The following UNC13C variants were observed in gnomAD, a reference collection of about 807,000 sequenced individuals.
The protein encoded by UNC13C is unc-13 homolog C.
Under a neutral mutation model 245.4 loss-of-function variants are expected in UNC13C, and 174 were observed. The observed-to-expected ratio is 0.71, with a 90% CI of 0.63 to 0.80. The LOEUF (loss-of-function observed/expected upper bound fraction) is 0.80, where lower values mean the gene tolerates loss of function less well. Among genes scored for constraint, UNC13C ranks in the 30% least tolerant of loss-of-function variants. UNC13C has a pLI of 0.00. For missense variants in UNC13C, 2,829 were observed against 2,602.9 expected (o/e 1.09, Z -1.89); for synonymous variants, 992 against 895.1 (o/e 1.11, Z -1.93).
At chr15:54,433,611 A>G (rs558829655) in intron 19 of UNC13C, among the ~76,000 whole-genome samples, 2 of 152,150 alleles carry the variant, frequency 1.3e-5, no homozygotes, top group South Asian at 4.1e-4. Flanking sequence ...TTTATGACAA[A>G]CTTATAGGCA....
At chr15:54,096,050 C>T (rs927308369) in intron 2 of UNC13C, among the ~76,000 whole-genome samples, 1 of 152,166 alleles carries the variant, frequency 6.6e-6, no homozygotes, top group African/African-American at 2.4e-5. Context: ...GTGAAGGCAA[C>T]AATGGGGGCA....
At chr15:54,319,324 G>T (rs1349855550) in intron 13 of UNC13C, among the ~76,000 whole-genome samples, 1 of 149,316 alleles carries the variant, frequency 6.7e-6, no homozygotes, top group Non-Finnish European at 1.5e-5. Context: ...TGATAGCATA[G>T]CTCTAAGAAT....
At position 54,236,414 on chromosome 15, in the gene UNC13C, C is replaced by T; in HGVS notation, c.3151-16C>T. On this transcript the variant is annotated splice_polypyrimidine_tract_variant and intron_variant, in intron 5 of 32. Coordinates refer to ENST00000260323, the MANE Select transcript of UNC13C (RefSeq NM_001080534.3). Reference sequence around the variant, plus strand: ...ATTATTTACATTTTGTTTCCTCTCACTTCTGGAATCTTCAGGCCATGGTAA... The same window carrying T: ...ATTATTTACATTTTGTTTCCTCTCATTTCTGGAATCTTCAGGCCATGGTAA... 1 of 1,589,472 alleles carries T rather than the reference C, an allele frequency of 6.3e-7. No homozygotes were observed. The highest frequency in any genetic ancestry group is 8.5e-7 in the Non-Finnish European group (1 of 1,172,888).
intron 1 of UNC13C, among the ~76,000 whole-genome samples, chr15:53,988,394 C>A (rs1894237964): frequency 6.6e-6 from 1 of 151,688 alleles, no homozygotes; most frequent in Non-Finnish European, 1.5e-5. Context: ...GCTTATGGGA[C>A]ATAAAAAAAT....
At chr15:54,222,707 C>T (rs1349072140) in intron 4 of UNC13C, among the ~76,000 whole-genome samples, 3 of 152,040 alleles carry the variant, frequency 2.0e-5, no homozygotes, top group Non-Finnish European at 4.4e-5. Context: ...ACAATCCCAC[C>T]ATCAGTGAAC....
At chr15:54,055,400 C>A (rs1489359592) in intron 2 of UNC13C, among the ~76,000 whole-genome samples, 1 of 152,028 alleles carries the variant, frequency 6.6e-6, no homozygotes, top group African/African-American at 2.4e-5. Flanking sequence ...TGAGTGCTTA[C>A]CTTGAAAAAA....
At chr15:54,256,994 A>G (rs1438820705) in intron 8 of UNC13C, among the ~76,000 whole-genome samples, 3 of 152,234 alleles carry the variant, frequency 2.0e-5, no homozygotes, top group Non-Finnish European at 4.4e-5. Context: ...AGAACAATGT[A>G]GCCTAGCTAT....
At position 54,333,213 on chromosome 15, in the gene UNC13C, A is replaced by G. The variant is rs76830588; in HGVS notation, c.4495-554A>G. ...TATAACTTTTCATTCCTTCAAAATT[A>G]TAAACATCTGTATTTTTAAATGATG... On this transcript the variant is annotated intron_variant, in intron 15 of 32. Transcript: ENST00000260323. 4.1e-3 allele frequency among the ~76,000 whole-genome samples: 617 copies of G among 152,204 alleles called. 26 individuals carry two copies. The East Asian group carries it at 0.087, about 21-fold the overall frequency.
chr15:54,532,397 T>C (rs1273625364), intron 25 of UNC13C, among the ~76,000 whole-genome samples: 1 of 152,192 alleles, frequency 6.6e-6, no homozygotes, highest in Non-Finnish European at 1.5e-5. Flanking sequence ...ATTGCAACAC[T>C]ATTCACAATA....
At chr15:54,487,407 T>A (rs187474894) in intron 19 of UNC13C, among the ~76,000 whole-genome samples, 3 of 152,168 alleles carry the variant, frequency 2.0e-5, no homozygotes, top group Admixed American at 6.5e-5. Context: ...CTTCTATATC[T>A]TTTTTCTTAC....
intron 10 of UNC13C, among the ~76,000 whole-genome samples, chr15:54,293,036 T>C (rs1273155936): frequency 6.6e-6 from 1 of 151,390 alleles, no homozygotes; most frequent in Non-Finnish European, 1.5e-5. Context: ...TGTATTTTAA[T>C]CCAAGTTCAA....
At chr15:54,338,321 C>A in intron 16 of UNC13C, 40 bp from the exon 17 acceptor site, 1 of 1,594,810 alleles carries the variant, frequency 6.3e-7, no homozygotes, top group South Asian at 1.1e-5. Flanking sequence ...TACAATGTGT[C>A]ACTGTTGCAT....
chr15:54,598,218 G>A (rs967523502), intron 30 of UNC13C, among the ~76,000 whole-genome samples: 3 of 152,166 alleles, frequency 2.0e-5, no homozygotes, highest in East Asian at 1.9e-4. Flanking sequence ...TCAGCCTCCC[G>A]AGTAGCTGGG....
intron 2 of UNC13C, among the ~76,000 whole-genome samples, chr15:54,065,384 G>A (rs144763617): frequency 4.6e-5 from 7 of 152,162 alleles, no homozygotes; most frequent in South Asian, 2.1e-4. Context: ...ACTATTCACC[G>A]TTTCCTCACT....
chr15:54,215,567 G>T (rs1335657717), intron 4 of UNC13C, among the ~76,000 whole-genome samples: 1 of 151,960 alleles, frequency 6.6e-6, no homozygotes, highest in Non-Finnish European at 1.5e-5. Flanking sequence ...AGCTTTAATA[G>T]GTCAAATGCA....
At chr15:54,035,056 TAC>T (rs1896517480) in intron 2 of UNC13C, among the ~76,000 whole-genome samples, 1 of 152,188 alleles carries the variant, frequency 6.6e-6, no homozygotes, top group Non-Finnish European at 1.5e-5. Flanking sequence ...AGTTTTAACA[TAC>T]CCTTCTTCCA....
At chr15:53,892,734 T>G in the UNC13C span, among the ~76,000 whole-genome samples, 1 of 152,168 alleles carries the variant, frequency 6.6e-6, no homozygotes, top group African/African-American at 2.4e-5. Context: ...AGGTCATTTA[T>G]GTTCTCTAAA....
At chr15:54,601,761 G>T (rs776523138) in intron 30 of UNC13C, among the ~76,000 whole-genome samples, 6 of 152,108 alleles carry the variant, frequency 3.9e-5, no homozygotes, top group Non-Finnish European at 7.4e-5. Flanking sequence ...TTAGCAACAG[G>T]AAGAAAGAAG....
intron 10 of UNC13C, among the ~76,000 whole-genome samples, chr15:54,292,210 C>A (rs2140933916): frequency 6.6e-6 from 1 of 152,024 alleles, no homozygotes; most frequent in East Asian, 1.9e-4. Flanking sequence ...TCTAGTAAAT[C>A]ATGCAAAAGA....
Sources: gnomAD v4.1 joint callset for allele counts (sites outside exome capture counted in the v4.1 genomes callset) on GRCh38, gnomAD v4.1.1 for gene constraint, MANE v1.5 for transcripts, NCBI Gene and HGNC (gene_info 2026-07-23, HGNC 2026-07-21) for gene names.